S100A8: variants seen among roughly 807,000 people sequenced by gnomAD.
The protein encoded by S100A8 is protein S100-A8.
A neutral mutation model predicts 4.2 loss-of-function variants in S100A8; 1 was observed. The ratio of observed to expected loss-of-function variants is 0.24; its 90% CI spans 0.08 to 1.12. The LOEUF (loss-of-function observed/expected upper bound fraction) is 1.12, where lower values mean the gene tolerates loss of function less well. Among genes scored for constraint, S100A8 ranks in the 50% most tolerant of loss-of-function variants. The probability of loss-of-function intolerance (pLI) is 0.53; values close to 1 mark genes in which losing one functional copy is unlikely to be tolerated. For synonymous variants in S100A8, 41 were observed against 44.7 expected, an observed-to-expected ratio of 0.92 and a Z score of 0.33; for missense variants, 96 against 111.8, an observed-to-expected ratio of 0.86 and a Z score of 0.64.
upstream of S100A8, among the ~76,000 whole-genome samples, chr1:153,393,517 A>G (rs1368010450): frequency 1.3e-5 from 2 of 152,216 alleles, no homozygotes; most frequent in Non-Finnish European, 2.9e-5. Context: ...TCTCTTTATC[A>G]CAATCAGCCA....
At chr1:153,412,118 C>T in the S100A8 span, among the ~76,000 whole-genome samples, 197 of 152,188 alleles carry the variant, frequency 1.3e-3, no homozygotes, top group African/African-American at 4.5e-3. Context: ...GCAACAAAAG[C>T]CAAAATTGAC....
upstream of S100A8, among the ~76,000 whole-genome samples, chr1:153,395,342 T>C (rs923540440): frequency 3.3e-5 from 5 of 152,130 alleles, no homozygotes; most frequent in African/African-American, 1.2e-4. Context: ...ACTCAGCATG[T>C]GCAAACCCAG....
At position 153,391,030 on chromosome 1, in the gene S100A8, G is replaced by A; in HGVS notation, c.-23+11C>T. On this transcript the variant is annotated intron_variant, in intron 1 of 2. Transcript: ENST00000368733. Reference sequence around the variant, plus strand: ...CCAAAGTGCGGGGCCAACCCAGACAGTCCCACTTACCAGGTCTTCTGAAAG... The same window carrying A: ...CCAAAGTGCGGGGCCAACCCAGACAATCCCACTTACCAGGTCTTCTGAAAG... 1 of 987,494 alleles carries A rather than the reference G, an allele frequency of 1.0e-6. No homozygotes were observed. The highest frequency in any genetic ancestry group is 6.1e-5 in the Admixed American group (1 of 16,488). 61.2% of individuals were successfully genotyped at this position (987,494 alleles called of 1,614,324 possible).
At chr1:153,392,590 C>T (rs1009894712), upstream of S100A8, among the ~76,000 whole-genome samples, 10 of 152,220 alleles carry the variant, frequency 6.6e-5, no homozygotes, top group Non-Finnish European at 1.3e-4. Context: ...ACCCAAGTGT[C>T]CCTCAACACA....
chr1:153,397,309 T>G, the S100A8 span, among the ~76,000 whole-genome samples: 1 of 152,090 alleles, frequency 6.6e-6, no homozygotes, highest in Non-Finnish European at 1.5e-5. Context: ...TGCATTTGCC[T>G]GCATCAGGAG....
At chr1:153,397,895 G>T in the S100A8 span, among the ~76,000 whole-genome samples, 1 of 152,154 alleles carries the variant, frequency 6.6e-6, no homozygotes, top group Non-Finnish European at 1.5e-5. Flanking sequence ...CAAGGGCCCC[G>T]TACCCAGGCG....
chr1:153,419,733 C>G, the S100A8 span: 3 of 162,444 alleles, frequency 1.8e-5, no homozygotes, highest in Non-Finnish European at 4.0e-5. Flanking sequence ...TGCTCCTGCC[C>G]TCCCACTCCT....
At chr1:153,420,069 G>T in the S100A8 span, 1 of 152,246 alleles carries the variant, frequency 6.6e-6, no homozygotes, top group African/African-American at 2.4e-5. Flanking sequence ...AGCTCTAAGT[G>T]GTCCAGGAGT....
chr1:153,398,045 C>A, the S100A8 span, among the ~76,000 whole-genome samples: 18 of 152,332 alleles, frequency 1.2e-4, no homozygotes, highest in Non-Finnish European at 2.5e-4. Context: ...CAGAGTAACA[C>A]TCCAGTAAGC....
chr1:153,419,189 G>A, the S100A8 span: 1 of 1,614,160 alleles, frequency 6.2e-7, no homozygotes, highest in Non-Finnish European at 8.5e-7. Context: ...TTGAGAAAAA[G>A]GACAAGAATG....
chr1:153,413,620 G>A, the S100A8 span, among the ~76,000 whole-genome samples: 1 of 152,114 alleles, frequency 6.6e-6, no homozygotes, highest in Non-Finnish European at 1.5e-5. Flanking sequence ...TAAGACTATT[G>A]CCAGGTGCAG....
chr1:153,414,555 A>T, the S100A8 span, among the ~76,000 whole-genome samples: 1 of 152,218 alleles, frequency 6.6e-6, no homozygotes, highest in Non-Finnish European at 1.5e-5. Context: ...TAAAACAACA[A>T]TGAGATACCA....
chr1:153,395,988 C>A (rs980015472), upstream of S100A8, among the ~76,000 whole-genome samples: 5 of 152,240 alleles, frequency 3.3e-5, no homozygotes, highest in Admixed American at 6.5e-5. Context: ...TACCCTCACC[C>A]CTGTGCTACC....
the S100A8 span, chr1:153,419,501 G>C: frequency 3.1e-6 from 2 of 645,682 alleles, no homozygotes; most frequent in Admixed American, 3.0e-5. Flanking sequence ...CTCCAGCAAC[G>C]TTCCCCCTAT....
upstream of S100A8, among the ~76,000 whole-genome samples, chr1:153,393,726 C>T (rs1571169449): frequency 6.6e-6 from 1 of 152,336 alleles, no homozygotes; most frequent in African/African-American, 2.4e-5. Context: ...CATAACAGCA[C>T]CTGCCTCAAA....
upstream of S100A8, among the ~76,000 whole-genome samples, chr1:153,392,005 T>C (rs1571168502): frequency 1.3e-5 from 2 of 152,158 alleles, no homozygotes; most frequent in East Asian, 1.9e-4. Context: ...TCCCCACCAC[T>C]AACAAAATGC....
chr1:153,401,998 G>A, the S100A8 span, among the ~76,000 whole-genome samples: 881 of 152,194 alleles, frequency 5.8e-3, 7 homozygotes, highest in African/African-American at 0.02. Context: ...TGTGTTAGAT[G>A]GGCTGTGCTT....
chr1:153,394,000 G>A (rs187100679), upstream of S100A8, among the ~76,000 whole-genome samples: 1 of 152,138 alleles, frequency 6.6e-6, no homozygotes, highest in African/African-American at 2.4e-5. Flanking sequence ...GACAGCCTTG[G>A]GTGCTTTGGG....
chr1:153,410,929 GC>G, the S100A8 span, among the ~76,000 whole-genome samples: 1 of 152,072 alleles, frequency 6.6e-6, no homozygotes, highest in African/African-American at 2.4e-5. Flanking sequence ...AAATTCAACA[GC>G]CCTTCATGCT....
Sources: allele counts gnomAD v4.1 joint callset (sites outside exome capture counted in the v4.1 genomes callset), GRCh38; gene constraint gnomAD v4.1.1; transcripts MANE v1.5; gene names NCBI Gene and HGNC (gene_info 2026-07-23, HGNC 2026-07-21).